The following UNC13C variants were observed in gnomAD, a reference collection of about 807,000 sequenced individuals.
UNC13C encodes the protein unc-13 homolog C, also known as protein unc-13 homolog C.
In UNC13C, 174 loss-of-function variants were observed where a neutral mutation model predicts 245.4. The ratio of observed to expected loss-of-function variants is 0.71; its 90% CI spans 0.63 to 0.80. UNC13C has a LOEUF of 0.80. UNC13C is among the 30% of genes least tolerant of loss of function. UNC13C has a pLI of 0.00. For synonymous variants in UNC13C, 992 were observed against 895.1 expected, an observed-to-expected ratio of 1.11 and a Z score of -1.93; for missense variants, 2,829 against 2,602.9, an observed-to-expected ratio of 1.09 and a Z score of -1.89.
chr15:53,841,303 C>T, the UNC13C span, among the ~76,000 whole-genome samples: 1 of 152,250 alleles, frequency 6.6e-6, no homozygotes, highest in East Asian at 1.9e-4. Flanking sequence ...TGCTTTCCCC[C>T]CTACCTTTGC....
Position 54,013,954 on chromosome 15 carries a change from G to T in UNC13C, c.1051G>T (p.Ala351Ser). 6.2e-7 allele frequency: 1 copy of T among 1,613,210 alleles called. No individual in the cohort carries two copies. Among genetic ancestry groups the T allele is most frequent in the South Asian group, 1.1e-5 (1 of 91,024 alleles). ...ILIDKMGFSD[A>S]PNAIKIEFAQ... Reference sequence around the variant, plus strand: ...AATAGATAAAATGGGTTTTTCAGATGCACCAAATGCTATTAAAATTGAATT... The same window carrying T: ...AATAGATAAAATGGGTTTTTCAGATTCACCAAATGCTATTAAAATTGAATT... Residue 351 changes from alanine (A) to serine (S), a missense_variant, in exon 2 of 33, where the codon GCA becomes TCA. Coordinates refer to ENST00000260323, the MANE Select transcript of UNC13C (RefSeq NM_001080534.3).
At chr15:54,255,886 A>G (rs1010260745) in intron 8 of UNC13C, among the ~76,000 whole-genome samples, 3 of 152,316 alleles carry the variant, frequency 2.0e-5, no homozygotes, top group South Asian at 4.1e-4. Flanking sequence ...AATGAATGCA[A>G]TGGTCAGTTC....
At chr15:54,399,052 G>T (rs2040127448) in intron 18 of UNC13C, among the ~76,000 whole-genome samples, 1 of 151,616 alleles carries the variant, frequency 6.6e-6, no homozygotes, top group African/African-American at 2.4e-5. Context: ...TGTATAAGAT[G>T]ATGGAGAGTT....
At chr15:54,098,858 A>C (rs866180550) in intron 2 of UNC13C, among the ~76,000 whole-genome samples, 1 of 152,302 alleles carries the variant, frequency 6.6e-6, no homozygotes, top group Middle Eastern at 3.4e-3. Flanking sequence ...GAATCTCTAA[A>C]GGACATTTTC....
the UNC13C span, among the ~76,000 whole-genome samples, chr15:53,906,186 C>T: frequency 0.012 from 1,829 of 152,026 alleles, 17 homozygotes; most frequent in Non-Finnish European, 0.021. Context: ...ATTAGGTGGG[C>T]GTGGTGGTGC....
At chr15:54,562,271 T>C (rs977333721) in intron 29 of UNC13C, among the ~76,000 whole-genome samples, 5 of 152,042 alleles carry the variant, frequency 3.3e-5, no homozygotes, top group African/African-American at 1.2e-4. Context: ...AAAGGTAGAA[T>C]GGATATTTCT....
chr15:54,613,304 C>G (rs771487270), intron 30 of UNC13C, among the ~76,000 whole-genome samples: 1 of 151,698 alleles, frequency 6.6e-6, no homozygotes, highest in Non-Finnish European at 1.5e-5. Flanking sequence ...ATACAATGAT[C>G]AAAATCCCAA....
intron 2 of UNC13C, among the ~76,000 whole-genome samples, chr15:54,142,471 C>T (rs1214443830): frequency 6.6e-6 from 1 of 152,170 alleles, no homozygotes; most frequent in African/African-American, 2.4e-5. Flanking sequence ...ATGGAATCAA[C>T]TTAATCTTTT....
chr15:54,136,088 G>C (rs1054941386), intron 2 of UNC13C, among the ~76,000 whole-genome samples: 2 of 151,880 alleles, frequency 1.3e-5, no homozygotes, highest in African/African-American at 4.8e-5. Flanking sequence ...CACCTCCTTC[G>C]TTAAATTTAT....
At chr15:53,858,582 A>T in the UNC13C span, among the ~76,000 whole-genome samples, 14 of 151,638 alleles carry the variant, frequency 9.2e-5, no homozygotes, top group African/African-American at 2.7e-4. Context: ...CACCGCATGC[A>T]GCTAATTTTT....
chr15:54,324,713 A>G (rs2038249244), intron 14 of UNC13C, among the ~76,000 whole-genome samples: 1 of 152,040 alleles, frequency 6.6e-6, no homozygotes, highest in Non-Finnish European at 1.5e-5. Context: ...GTAGTATATC[A>G]TATAATTAAC....
intron 1 of UNC13C, among the ~76,000 whole-genome samples, chr15:53,995,129 T>C (rs1339507355): frequency 6.6e-6 from 1 of 151,982 alleles, no homozygotes; most frequent in Non-Finnish European, 1.5e-5. Flanking sequence ...AATATTAAAT[T>C]TGAGATGTTA....
At chr15:54,435,279 A>G (rs1315079373) in intron 19 of UNC13C, among the ~76,000 whole-genome samples, 2 of 152,144 alleles carry the variant, frequency 1.3e-5, no homozygotes, top group Non-Finnish European at 2.9e-5. Flanking sequence ...ACACATGCAC[A>G]CATATGTTTA....
intron 2 of UNC13C, among the ~76,000 whole-genome samples, chr15:54,091,075 G>T (rs1299348585): frequency 1.5e-5 from 2 of 136,588 alleles, no homozygotes; most frequent in Middle Eastern, 3.8e-3. Context: ...GGTGGGGGGA[G>T]GGGGGTTGCC....
chr15:54,536,623 C>T (rs1005836715), intron 26 of UNC13C, among the ~76,000 whole-genome samples: 5 of 151,954 alleles, frequency 3.3e-5, no homozygotes, highest in Non-Finnish European at 5.9e-5. Context: ...TATCAAAAAG[C>T]TATCTCAGGA....
rs530191570 is a variant in UNC13C at position 54,119,266 on chromosome 15, A to G, written c.2984-23752A>G. On this transcript the variant is annotated intron_variant, in intron 2 of 32. Transcript: ENST00000260323. ...CCTGCATTGAGCAAGTGGTTAGGCA[A>G]CATTCTTTCAAGAACAGTCTCACTT... Among the ~76,000 whole-genome samples, 7 of 152,276 alleles carry G rather than the reference A, an allele frequency of 4.6e-5. No individual in the cohort carries two copies. In the South Asian group the frequency reaches 1.5e-3, roughly 32 times the overall value.
At chr15:54,546,930 A>C (rs533159927) in intron 27 of UNC13C, 85 bp downstream of exon 27, 2 of 1,218,318 alleles carry the variant, frequency 1.6e-6, no homozygotes, top group East Asian at 5.9e-5. Flanking sequence ...TGAAATACTA[A>C]TTAAATCCCT....
chr15:54,582,777 C>T (rs559489174), intron 30 of UNC13C, among the ~76,000 whole-genome samples: 94 of 152,244 alleles, frequency 6.2e-4, no homozygotes, highest in African/African-American at 2.2e-3. Flanking sequence ...GTTAGCCTGA[C>T]TCCTTGTTAA....
intron 29 of UNC13C, among the ~76,000 whole-genome samples, chr15:54,558,117 T>G (rs62022757): frequency 0.062 from 9,279 of 150,546 alleles, 390 homozygotes; most frequent in Admixed American, 0.13. Context: ...TGGGGAGAGG[T>G]GGGAGGGATA....
Sources: allele counts gnomAD v4.1 joint callset (sites outside exome capture counted in the v4.1 genomes callset), GRCh38; gene constraint gnomAD v4.1.1; transcripts MANE v1.5; gene names NCBI Gene and HGNC (gene_info 2026-07-23, HGNC 2026-07-21).